DLGAP2: variants seen among roughly 807,000 people sequenced by gnomAD.
DLGAP2 encodes disks large-associated protein 2.
In DLGAP2, 26 loss-of-function variants were observed where a neutral mutation model predicts 100.3. The observed-to-expected ratio is 0.26, with a 90% CI of 0.19 to 0.36. The LOEUF is 0.36. DLGAP2 is among the 10% of genes least tolerant of loss of function. The pLI is 1.00. For synonymous variants in DLGAP2, 886 were observed against 630.1 expected, an observed-to-expected ratio of 1.41 and a Z score of -6.08; for missense variants, 1,858 against 1,453.2, an observed-to-expected ratio of 1.28 and a Z score of -4.53.
chr8:1,456,025 G>A (rs1584922099), intron 3 of DLGAP2, among the ~76,000 whole-genome samples: 1 of 152,176 alleles, frequency 6.6e-6, no homozygotes, highest in African/African-American at 2.4e-5. Flanking sequence ...CAGCCCGATG[G>A]CCGCTCGCTG....
At chr8:1,255,214 C>CCTGCTCGGGCGCTG (rs1799167050) in intron 2 of DLGAP2, among the ~76,000 whole-genome samples, 2 of 79,646 alleles carry the variant, frequency 2.5e-5, no homozygotes, top group African/African-American at 1.7e-4. Context: ...TGTGCCCTCT[C>CCTGCTCGGGCGCTG]ATCCTGCCTG....
intron 2 of DLGAP2, among the ~76,000 whole-genome samples, chr8:1,228,056 C>G (rs886989575): frequency 6.6e-6 from 1 of 151,548 alleles, no homozygotes; most frequent in South Asian, 2.1e-4. Flanking sequence ...GGAAGGGGAA[C>G]ATCACACACT....
At chr8:1,299,411 C>T (rs1045426740) in intron 3 of DLGAP2, among the ~76,000 whole-genome samples, 2 of 152,220 alleles carry the variant, frequency 1.3e-5, no homozygotes, top group African/African-American at 2.4e-5. Context: ...TGGATCTCAT[C>T]TAATGTTTTT....
intron 2 of DLGAP2, chr8:1,248,577 G>GTGGCTGGC (rs1798965869): frequency 7.1e-6 from 1 of 140,802 alleles, no homozygotes. Flanking sequence ...CGGTGGCTCG[G>GTGGCTGGC]AAGACCTTTG....
chr8:1,001,250 A>G (rs1309389689), intron 2 of DLGAP2, among the ~76,000 whole-genome samples: 5 of 152,188 alleles, frequency 3.3e-5, no homozygotes, highest in African/African-American at 1.2e-4. Flanking sequence ...GTTGTACTGC[A>G]CACAGCCTTT....
chr8:1,437,972 G>C (rs1439415319), intron 3 of DLGAP2, among the ~76,000 whole-genome samples: 1 of 151,936 alleles, frequency 6.6e-6, no homozygotes, highest in Non-Finnish European at 1.5e-5. Flanking sequence ...GGCGACAAGA[G>C]CAAAACTCCA....
chr8:1,457,301 AC>A (rs147992627), intron 3 of DLGAP2, among the ~76,000 whole-genome samples: 296 of 152,334 alleles, frequency 1.9e-3, no homozygotes, highest in Non-Finnish European at 3.5e-3. Flanking sequence ...GCTGGCAACC[AC>A]AGAAATGGTT....
At chr8:1,691,356 T>C (rs1481313868) in intron 12 of DLGAP2, among the ~76,000 whole-genome samples, 179 bp from the exon 13 acceptor site, 1 of 152,158 alleles carries the variant, frequency 6.6e-6, no homozygotes, top group East Asian at 1.9e-4. Flanking sequence ...TGGATTTCCT[T>C]CATGAGTTGG....
chr8:1,214,311 C>A (rs1307778644), intron 2 of DLGAP2, among the ~76,000 whole-genome samples: 1 of 152,186 alleles, frequency 6.6e-6, no homozygotes, highest in African/African-American at 2.4e-5. Flanking sequence ...TCACTACCTG[C>A]GGCCCCGCCA....
chr8:1,058,043 A>C (rs961137426), intron 2 of DLGAP2, among the ~76,000 whole-genome samples: 3 of 152,180 alleles, frequency 2.0e-5, no homozygotes, highest in African/African-American at 7.2e-5. Context: ...TGGTGAACTT[A>C]ACAGTTTTGA....
intron 2 of DLGAP2, among the ~76,000 whole-genome samples, chr8:915,574 G>A (rs1009361215): frequency 6.6e-6 from 1 of 151,800 alleles, no homozygotes; most frequent in African/African-American, 2.4e-5. Context: ...CCCATCGCTG[G>A]AATGAGACTG....
intron 2 of DLGAP2, among the ~76,000 whole-genome samples, chr8:1,163,846 C>T (rs978290262): frequency 2.0e-5 from 3 of 152,188 alleles, no homozygotes; most frequent in African/African-American, 7.2e-5. Flanking sequence ...CTCAGGAGCT[C>T]TGCTCAGCAC....
chr8:1,048,493 G>A (rs759800983), intron 2 of DLGAP2, among the ~76,000 whole-genome samples: 1 of 151,938 alleles, frequency 6.6e-6, no homozygotes, highest in African/African-American at 2.4e-5. Flanking sequence ...TGGAAGGTGT[G>A]GGGTGGGCCC....
chr8:1,508,606 C>G (rs868202033), intron 4 of DLGAP2, among the ~76,000 whole-genome samples: 1 of 144,682 alleles, frequency 6.9e-6, no homozygotes, highest in East Asian at 2.1e-4. Flanking sequence ...GTGTTTTCTC[C>G]TCTGTGGGAT....
chr8:1,323,508 G>A (rs1057467499), intron 3 of DLGAP2, among the ~76,000 whole-genome samples: 1 of 152,190 alleles, frequency 6.6e-6, no homozygotes, highest in African/African-American at 2.4e-5. Flanking sequence ...GTACCAGGTT[G>A]CAGACGCAGT....
intron 5 of DLGAP2, among the ~76,000 whole-genome samples, chr8:1,553,429 G>A (rs74211917): frequency 6.6e-5 from 10 of 152,098 alleles, no homozygotes; most frequent in East Asian, 1.9e-4. Context: ...GCGTGTTCAC[G>A]GGCAGCAGCC....
At chr8:1,186,603 G>A (rs1466240243) in intron 2 of DLGAP2, among the ~76,000 whole-genome samples, 4 of 152,072 alleles carry the variant, frequency 2.6e-5, no homozygotes, top group South Asian at 2.1e-4. Flanking sequence ...TGGGGGGTGC[G>A]GTGTCTTCTG....
At chr8:772,597 A>G (rs1821394709) in intron 1 of DLGAP2, among the ~76,000 whole-genome samples, 1 of 152,236 alleles carries the variant, frequency 6.6e-6, no homozygotes, top group Non-Finnish European at 1.5e-5. Context: ...TGCTGGGACT[A>G]CAGGCATGAG....
rs541834857 is a variant in DLGAP2 at position 1,268,313 on chromosome 8, C to G, written c.106+9430C>G. On this transcript the variant is annotated intron_variant, in intron 3 of 14. Coordinates refer to ENST00000637795, the MANE Select transcript of DLGAP2 (RefSeq NM_001346810.2). Reference sequence around the variant, plus strand: ...CCTATTTTCTTGTTGCTAAACATGCCTAATTGTTGAATTTTGAAGCATATT... The same window carrying G: ...CCTATTTTCTTGTTGCTAAACATGCGTAATTGTTGAATTTTGAAGCATATT... Among the ~76,000 whole-genome samples the G allele has an allele frequency of 1.1e-3, 164 of 152,166 alleles. 1 individual carries two copies. The highest frequency in any genetic ancestry group is 3.8e-3 in the African/African-American group (158 of 41,512).
Sources: allele counts gnomAD v4.1 joint callset (sites outside exome capture counted in the v4.1 genomes callset), GRCh38; gene constraint gnomAD v4.1.1; transcripts MANE v1.5; gene names NCBI Gene and HGNC (gene_info 2026-07-23, HGNC 2026-07-21).